EAF2: variants seen among roughly 807,000 people sequenced by gnomAD.
EAF2 encodes ELL associated factor 2, also known as ELL-associated factor 2.
Under a neutral mutation model 29.4 loss-of-function variants are expected in EAF2, and 29 were observed. That is an observed-to-expected ratio of 0.99 (90% CI 0.73 to 1.35). The LOEUF is 1.35. EAF2 is among the 40% of genes most tolerant of loss of function. EAF2 has a pLI of 0.00. For missense variants in EAF2, 292 were observed against 312.0 expected (o/e 0.94, Z 0.48); for synonymous variants, 103 against 102.5 (o/e 1.00, Z -0.03).
chr3:121,872,736 T>C lies in EAF2; in HGVS notation c.684T>C (p.Asp228=), dbSNP rs541758349. ...CACAGTACAGGATTCCTGATATAGA[T>C]GCCAGTCATAATAGATTTCGAGACA... ...TMTQYRIPDI[D]ASHNRFRDNS... is the part of the protein sequence containing the mutation. The change falls in exon 5 of 6, where the codon GAT becomes GAC. Residue 228 remains aspartate (D), a synonymous_variant. Coordinates refer to ENST00000273668, the MANE Select transcript of EAF2 (RefSeq NM_018456.6). 9.3e-6 allele frequency: 15 copies of C among 1,612,518 alleles called. No homozygotes were observed. In the African/African-American group the frequency reaches 1.6e-4, roughly 17 times the overall value.
intron 4 of EAF2, among the ~76,000 whole-genome samples, chr3:121,859,461 G>T (rs1289310148): frequency 6.6e-6 from 1 of 151,964 alleles, no homozygotes; most frequent in Non-Finnish European, 1.5e-5. Context: ...TCATGATTTG[G>T]CTCTCTGTTT....
intron 1 of EAF2, chr3:121,836,624 A>G (rs1164912161): frequency 2.0e-6 from 2 of 987,334 alleles, no homozygotes; most frequent in Non-Finnish European, 2.4e-6. Context: ...ATTCTTCTTT[A>G]TCATATACTT....
intron 4 of EAF2, among the ~76,000 whole-genome samples, chr3:121,859,495 G>T (rs1708786848): frequency 6.6e-6 from 1 of 152,122 alleles, no homozygotes; most frequent in Non-Finnish European, 1.5e-5. Context: ...GTATAGGAAT[G>T]CTTGTGATTT....
Position 121,886,293 on chromosome 3 carries a change from A to G in EAF2, c.737-49A>G, listed in dbSNP as rs759546071. On this transcript the variant is annotated intron_variant, in intron 5 of 5. Transcript: ENST00000273668. ...GTAAAATTTGTGTTATGCAAAAATA[A>G]TATTAAATATTTAATTACTACAGTT... The G allele has an allele frequency of 4.0e-6, 5 of 1,238,236 alleles. No individual in the cohort carries two copies. In the South Asian group the frequency reaches 5.3e-5, roughly 13 times the overall value. The allele number at this position is 1,238,236 out of a possible 1,614,324, so 76.7% of individuals were successfully genotyped here. A position where few individuals can be genotyped will look rare whatever the true frequency, so the allele number is the denominator to read the frequency against.
intron 5 of EAF2, among the ~76,000 whole-genome samples, chr3:121,881,982 T>C (rs1709197699): frequency 6.6e-6 from 1 of 152,160 alleles, no homozygotes. Context: ...ATTAACAGAT[T>C]ATAGAAGTAA....
chr3:121,846,377 A>G (rs778069693), intron 2 of EAF2, among the ~76,000 whole-genome samples: 20 of 152,224 alleles, frequency 1.3e-4, no homozygotes, highest in African/African-American at 2.4e-4. Context: ...GATGTTGTAG[A>G]TAAGTTAATC....
chr3:121,850,877 T>A (rs1252814818), intron 2 of EAF2, among the ~76,000 whole-genome samples: 1 of 151,780 alleles, frequency 6.6e-6, no homozygotes, highest in South Asian at 2.1e-4. Flanking sequence ...TTTTTTGCAT[T>A]TTTAGTAGAG....
intron 4 of EAF2, among the ~76,000 whole-genome samples, chr3:121,857,463 G>T (rs1445140883): frequency 1.3e-5 from 2 of 149,888 alleles, no homozygotes. Context: ...CTGCACTCCA[G>T]CCTGGGTGAC....
intron 2 of EAF2, among the ~76,000 whole-genome samples, chr3:121,853,474 A>G (rs1708667659): frequency 6.6e-6 from 1 of 152,028 alleles, no homozygotes; most frequent in Admixed American, 6.6e-5. Context: ...GTTGGAGTGC[A>G]GTGGCTATTC....
chr3:121,866,318 C>T (rs1708925898), intron 4 of EAF2, among the ~76,000 whole-genome samples: 1 of 152,110 alleles, frequency 6.6e-6, no homozygotes, highest in South Asian at 2.1e-4. Flanking sequence ...CAACAGTAGG[C>T]AAGAATATGC....
In EAF2 at chr3:121,835,322, C is replaced by A. The variant is rs753873255; in HGVS notation, c.37C>A (p.Arg13Ser). Residue 13 changes from arginine to serine, a missense_variant, in exon 1 of 6, where the codon CGC (arginine) becomes AGC (serine). Physicochemically the swap from Arg to Ser is moderately radical, Grantham distance 110. Transcript: ENST00000273668. ...SAAGFSHLDR[R>S]ERVLKLGESF... ...AGCGGGATTCTCACACCTAGACCGT[C>A]GCGAGCGGGTTCTCAAGTTAGGGGA... 1.9e-6 allele frequency: 3 copies of A among 1,614,228 alleles called. No individual in the cohort carries two copies. The East Asian group carries it at 6.7e-5, about 36-fold the overall frequency.
chr3:121,860,632 A>T (rs1048256437), intron 4 of EAF2, among the ~76,000 whole-genome samples: 1 of 151,882 alleles, frequency 6.6e-6, no homozygotes, highest in Non-Finnish European at 1.5e-5. Context: ...TCCTAGATTC[A>T]TTGATTTTTT....
chr3:121,840,612 T>C (rs1345871693), intron 1 of EAF2, among the ~76,000 whole-genome samples: 1 of 150,962 alleles, frequency 6.6e-6, no homozygotes, highest in African/African-American at 2.4e-5. Flanking sequence ...GAGACCATCC[T>C]TGCTGACACG....
chr3:121,858,867 C>A (rs1052594778), intron 4 of EAF2, among the ~76,000 whole-genome samples: 2 of 152,122 alleles, frequency 1.3e-5, no homozygotes, highest in East Asian at 3.8e-4. Context: ...GGAAAGTATC[C>A]AGTTTCAGCT....
intron 1 of EAF2, 28 bp downstream of exon 1, chr3:121,835,419 G>A: frequency 6.2e-7 from 1 of 1,601,174 alleles, no homozygotes; most frequent in Non-Finnish European, 8.6e-7. Flanking sequence ...GGGGATAGAG[G>A]GGGAGCCTCC....
At chr3:121,859,199 C>A (rs988339501) in intron 4 of EAF2, among the ~76,000 whole-genome samples, 2 of 152,084 alleles carry the variant, frequency 1.3e-5, no homozygotes, top group Non-Finnish European at 2.9e-5. Flanking sequence ...TTTTCCAATT[C>A]TCTGAAGAAA....
At chr3:121,867,229 T>C (rs1014049900) in intron 4 of EAF2, among the ~76,000 whole-genome samples, 12 of 152,234 alleles carry the variant, frequency 7.9e-5, no homozygotes, top group African/African-American at 2.9e-4. Flanking sequence ...TAAAAGAGTA[T>C]TTAAATAAAT....
chr3:121,873,567 A>G (rs949181926), intron 5 of EAF2, among the ~76,000 whole-genome samples: 1 of 151,882 alleles, frequency 6.6e-6, no homozygotes, highest in African/African-American at 2.4e-5. Context: ...TGTACACTGT[A>G]GCCATATTGA....
In EAF2 at chr3:121,844,547, A is replaced by G. The variant is rs779048921; in HGVS notation, c.201A>G (p.Glu67=). The G allele has an allele frequency of 2.5e-6, 4 of 1,579,798 alleles. No individual in the cohort carries two copies. The highest frequency in any genetic ancestry group is 2.7e-5 in the African/African-American group (2 of 73,994). Residue 67 remains glutamate (E), a splice_region_variant and synonymous_variant, in exon 2 of 6, where the codon GAA becomes GAG. Transcript: ENST00000273668. ...TGACCATAACTCTGCCAAATATAGAAGTGAGTATTTCTGTATCTTTAAAGT... is the reference window on the plus strand; with the variant it reads ...TGACCATAACTCTGCCAAATATAGAGGTGAGTATTTCTGTATCTTTAAAGT... The part of the protein sequence containing the change: ...EQVTITLPNI[E]GSTPPVTVFK...
Sources: gnomAD v4.1 joint callset for allele counts (sites outside exome capture counted in the v4.1 genomes callset) on GRCh38, gnomAD v4.1.1 for gene constraint, MANE v1.5 for transcripts, NCBI Gene and HGNC (gene_info 2026-07-23, HGNC 2026-07-21) for gene names.